Variants in PDE9A observed in about 807,000 individuals in gnomAD.
PDE9A encodes the protein phosphodiesterase 9A, also known as high affinity cGMP-specific 3',5'-cyclic phosphodiesterase 9A.
PDE9A carries 60 observed loss-of-function variants against 87.4 expected under a neutral mutation model. The ratio of observed to expected loss-of-function variants is 0.69; its 90% confidence interval spans 0.56 to 0.85. PDE9A has a LOEUF of 0.85. Ranked by LOEUF, PDE9A falls within the 40% of genes least tolerant of loss-of-function variation. The probability of loss-of-function intolerance (pLI) is 0.00; values close to 1 mark genes in which losing one functional copy is unlikely to be tolerated. For synonymous variants in PDE9A, 272 were observed against 279.4 expected (o/e 0.97, Z 0.27); for missense variants, 665 against 779.0 (o/e 0.85, Z 1.74).
At chr21:42,671,978 G>A (rs1275984896) in intron 1 of PDE9A, among the ~76,000 whole-genome samples, 1 of 149,858 alleles carries the variant, frequency 6.7e-6, no homozygotes, top group Non-Finnish European at 1.5e-5. Flanking sequence ...TGTCTTGAGG[G>A]CAGACAAAGC....
At chr21:42,687,496 A>G (rs1353746134) in intron 2 of PDE9A, among the ~76,000 whole-genome samples, 4 of 152,194 alleles carry the variant, frequency 2.6e-5, no homozygotes, top group Non-Finnish European at 5.9e-5. Context: ...ACTCATCCTA[A>G]GCATTTAAAA....
intron 3 of PDE9A, among the ~76,000 whole-genome samples, chr21:42,690,373 G>A (rs894801825): frequency 6.6e-6 from 1 of 152,170 alleles, no homozygotes; most frequent in East Asian, 1.9e-4. Context: ...TCTAGACAGC[G>A]ATGTGGAAAT....
At chr21:42,693,024 C>A (rs1602093813) in intron 3 of PDE9A, among the ~76,000 whole-genome samples, 1 of 152,212 alleles carries the variant, frequency 6.6e-6, no homozygotes, top group Admixed American at 6.5e-5. Context: ...TATGGTGCTG[C>A]GTGGAAAAGG....
Position 42,760,329 on chromosome 21 carries a change from T to C in PDE9A, c.899T>C (p.Phe300Ser), listed in dbSNP as rs1421308515. The change falls in exon 12 of 20, where the codon TTC becomes TCC. Residue 300 changes from phenylalanine (F) to serine (S), a missense_variant and splice_region_variant. Coordinates refer to ENST00000291539, the MANE Select transcript of PDE9A (RefSeq NM_002606.3). The surrounding 1 kb of genome is among the most constrained non-coding windows in gnomAD (Gnocchi z 5.2). ...ACTCGGACCCCCTGCCTCCCGCAGT[T>C]CTGCGTCCACGACAACTACAGAAAC... ...INPVTLRRWL[F>S]CVHDNYRNNP... is the part of the protein sequence containing the mutation. 2 of 1,598,312 alleles carry C rather than the reference T, an allele frequency of 1.3e-6. No homozygotes were observed. The highest frequency in any genetic ancestry group is 1.7e-6 in the Non-Finnish European group (2 of 1,169,558).
rs2055431043 is a variant in PDE9A, at chr21:42,759,402, CGTGTGTGTGTGTGAGA to C, written c.897+321_897+336del. ...GGGAGCGTGTGTGTGTGTGTGGGAG[CGTGTGTGTGTGTGAGA>C]GTGAGTATGGGGGTGTGGATGTGAG... is the stretch of plus-strand genomic sequence containing the variant. On this transcript the variant is annotated intron_variant, in intron 11 of 19. Transcript: ENST00000291539. This position sits in a 1 kb window ranked among gnomAD's most constrained non-coding sequence, Gnocchi z 7.2. 7.5e-6 allele frequency among the ~76,000 whole-genome samples: 1 copy of C among 132,568 alleles called. No homozygotes were observed. Among genetic ancestry groups the C allele is most frequent in the South Asian group, 2.3e-4 (1 of 4,288 alleles). The allele number at this position is 132,568 out of a possible 152,430, so 87.0% of individuals were successfully genotyped here.
chr21:42,677,983 A>G (rs1437050040), intron 1 of PDE9A, among the ~76,000 whole-genome samples: 1 of 152,248 alleles, frequency 6.6e-6, no homozygotes, highest in African/African-American at 2.4e-5. Context: ...ATTTCTAGGT[A>G]GCACCACAAA....
chr21:42,760,729 T>A lies in PDE9A; in HGVS notation c.1003-96T>A. 1 of 762,858 alleles carries A rather than the reference T, an allele frequency of 1.3e-6. No homozygotes were observed. Among genetic ancestry groups the A allele is most frequent in the Non-Finnish European group, 2.3e-6 (1 of 428,474 alleles). 47.3% of individuals were successfully genotyped at this position (762,858 alleles called of 1,614,324 possible). A position where few individuals can be genotyped will look rare whatever the true frequency, so the allele number is the denominator to read the frequency against. On this transcript the variant is annotated intron_variant, in intron 12 of 19. Coordinates refer to ENST00000291539, the MANE Select transcript of PDE9A (RefSeq NM_002606.3). The surrounding 1 kb of genome is among the most constrained non-coding windows in gnomAD (Gnocchi z 5.2). The stretch of plus-strand genomic sequence containing the variant: ...TGCCAGATGGCTGCAGGGGCCTTTG[T>A]CCCCCGCTTACCACTCACCCAATTC...
At chr21:42,716,143 A>C (rs2049900583) in intron 4 of PDE9A, among the ~76,000 whole-genome samples, 1 of 151,930 alleles carries the variant, frequency 6.6e-6, no homozygotes, top group African/African-American at 2.4e-5. Flanking sequence ...ATTGAAGAGC[A>C]TCTTGGTTGC....
chr21:42,656,617 G>A (rs771621711), intron 1 of PDE9A, among the ~76,000 whole-genome samples: 48 of 152,278 alleles, frequency 3.2e-4, no homozygotes, highest in Non-Finnish European at 6.3e-4. Context: ...TTTATATGAA[G>A]AAAACTCCAG....
chr21:42,714,596 G>C (rs918611792), intron 4 of PDE9A, among the ~76,000 whole-genome samples: 8 of 149,144 alleles, frequency 5.4e-5, no homozygotes, highest in African/African-American at 2.0e-4. Context: ...GATATGGTTG[G>C]GGTTAGCTCT....
rs1300268537 is a variant in PDE9A, at chr21:42,657,209, CA to C, written c.69+3327del. On this transcript the variant is annotated intron_variant, in intron 1 of 19. Transcript: ENST00000291539. ...TGAGAAGCTGCTGAAGGGCTGGGGACAGCCTCCACCCAGCCAGCAGCATCTG... is the reference window on the plus strand; with the variant it reads ...TGAGAAGCTGCTGAAGGGCTGGGGACGCCTCCACCCAGCCAGCAGCATCTG... Among the ~76,000 whole-genome samples the C allele has an allele frequency of 2.6e-5, 4 of 152,232 alleles. 1 individual carries two copies. The highest frequency in any genetic ancestry group is 5.9e-5 in the Non-Finnish European group (4 of 68,042).
intron 1 of PDE9A, among the ~76,000 whole-genome samples, chr21:42,665,324 T>G (rs936168976): frequency 2.0e-5 from 3 of 152,190 alleles, no homozygotes; most frequent in African/African-American, 4.8e-5. Context: ...TTTGTGGTCT[T>G]TGTTATAGCA....
intron 7 of PDE9A, among the ~76,000 whole-genome samples, chr21:42,738,727 ATGCAGTGGAG>A (rs2052753581): frequency 6.6e-6 from 1 of 152,124 alleles, no homozygotes; most frequent in Non-Finnish European, 1.5e-5. Flanking sequence ...TCTCACTTTA[ATGCAGTGGAG>A]TGCAGTGGTG....
chr21:42,695,546 G>T lies in PDE9A; in HGVS notation c.219-3422G>T, dbSNP rs1176521979. Among the ~76,000 whole-genome samples, 1 of 152,198 alleles carries T rather than the reference G, an allele frequency of 6.6e-6. No homozygotes were observed. The highest frequency in any genetic ancestry group is 1.9e-4 in the East Asian group (1 of 5,200). On this transcript the variant is annotated intron_variant, in intron 3 of 19. Coordinates refer to ENST00000291539, the MANE Select transcript of PDE9A (RefSeq NM_002606.3). The surrounding 1 kb of genome is among the most constrained non-coding windows in gnomAD (Gnocchi z 4.3). ...CACACCATTGCTCCTTTTGTTCCCG[G>T]TTTCGGCCAAGTTGTGCCGCAGGTG...
At chr21:42,668,898 A>ACCACCCCCCC (rs780490567) in intron 1 of PDE9A, among the ~76,000 whole-genome samples, 5 of 104,772 alleles carry the variant, frequency 4.8e-5, no homozygotes, top group Admixed American at 8.7e-5. Flanking sequence ...TGCTCCCTCC[A>ACCACCCCCCC]CCCCCCGCCA....
At chr21:42,764,979 G>GTGGGTGGA (rs1280233117) in intron 14 of PDE9A, among the ~76,000 whole-genome samples, 1 of 122,134 alleles carries the variant, frequency 8.2e-6, no homozygotes, top group Non-Finnish European at 1.7e-5. Context: ...TGTGGGGTGG[G>GTGGGTGGA]TGGGTGGATG....
chr21:42,746,248 G>C (rs2053836912), intron 8 of PDE9A, among the ~76,000 whole-genome samples: 1 of 152,224 alleles, frequency 6.6e-6, no homozygotes. Context: ...TTGCAGGGGG[G>C]AAGATTATTT....
chr21:42,658,390 C>T (rs1197645780), intron 1 of PDE9A, among the ~76,000 whole-genome samples: 1 of 152,244 alleles, frequency 6.6e-6, no homozygotes, highest in East Asian at 1.9e-4. Context: ...TTGGCACAAG[C>T]ATGAGCTGCT....
At chr21:42,762,030 AG>A in intron 13 of PDE9A, 52 bp from the exon 14 acceptor site, 1 of 1,566,974 alleles carries the variant, frequency 6.4e-7, no homozygotes, top group Non-Finnish European at 8.7e-7. Flanking sequence ...TCCCCCGTGC[AG>A]GTACCTGGTG....
Sources: allele counts gnomAD v4.1 joint callset (sites outside exome capture counted in the v4.1 genomes callset), GRCh38; gene constraint gnomAD v4.1.1; non-coding constraint Gnocchi (gnomAD v3.1); transcripts MANE v1.5; gene names NCBI Gene and HGNC (gene_info 2026-07-23, HGNC 2026-07-21).